IMMP2L: variants seen among roughly 807,000 people sequenced by gnomAD.
The protein encoded by IMMP2L is inner mitochondrial membrane peptidase subunit 2.
Under a neutral mutation model 19.3 loss-of-function variants are expected in IMMP2L, and 18 were observed. The observed-to-expected ratio is 0.93, with a 90% CI of 0.64 to 1.38. The LOEUF is 1.38. Ranked by LOEUF, IMMP2L falls within the 40% of genes most tolerant of loss-of-function variation. The pLI is 0.00. For missense variants in IMMP2L, 233 were observed against 218.2 expected (o/e 1.07, Z -0.43); for synonymous variants, 76 against 73.0 (o/e 1.04, Z -0.21).
intron 3 of IMMP2L, among the ~76,000 whole-genome samples, chr7:111,437,188 G>A (rs1401280507): frequency 1.3e-5 from 2 of 151,792 alleles, no homozygotes; most frequent in Non-Finnish European, 2.9e-5. Context: ...GCTCGTGCCT[G>A]TAATCCCAGC....
intron 3 of IMMP2L, among the ~76,000 whole-genome samples, chr7:111,117,565 T>C (rs943331024): frequency 2.0e-5 from 3 of 152,104 alleles, no homozygotes; most frequent in Non-Finnish European, 2.9e-5. Flanking sequence ...TAATTTGTTT[T>C]GAAAAACTGG....
At chr7:110,910,725 G>A (rs1306049943) in intron 4 of IMMP2L, among the ~76,000 whole-genome samples, 2 of 152,158 alleles carry the variant, frequency 1.3e-5, no homozygotes, top group Non-Finnish European at 2.9e-5. Context: ...GAAGTTGTAA[G>A]TGATTTCGTC....
At chr7:110,846,428 C>T (rs948455724) in intron 5 of IMMP2L, among the ~76,000 whole-genome samples, 9 of 150,142 alleles carry the variant, frequency 6.0e-5, no homozygotes, top group African/African-American at 2.0e-4. Context: ...TGCAGTGGCA[C>T]AGTCTTGGCT....
At chr7:111,367,269 A>G (rs1829859616) in intron 3 of IMMP2L, among the ~76,000 whole-genome samples, 1 of 151,974 alleles carries the variant, frequency 6.6e-6, no homozygotes, top group Non-Finnish European at 1.5e-5. Flanking sequence ...AATTGTTTTA[A>G]TAATTTCTTC....
chr7:111,242,631 G>A (rs1171274503), intron 3 of IMMP2L, among the ~76,000 whole-genome samples: 1 of 151,916 alleles, frequency 6.6e-6, no homozygotes, highest in African/African-American at 2.4e-5. Context: ...GAGCTTGCTG[G>A]GAGCTTTATT....
chr7:110,738,519 G>A (rs4523187), intron 5 of IMMP2L, among the ~76,000 whole-genome samples: 150,705 of 152,324 alleles, frequency 0.99, 74,574 homozygotes, highest in Middle Eastern at 1. Context: ...TGTCAAATAC[G>A]AAGAAAAAAG....
intron 3 of IMMP2L, among the ~76,000 whole-genome samples, chr7:111,063,766 C>G (rs1218360044): frequency 1.3e-5 from 2 of 152,208 alleles, no homozygotes; most frequent in Non-Finnish European, 2.9e-5. Context: ...TAAAACATAA[C>G]AAGAGTCACT....
chr7:111,049,474 T>A (rs1319942563), intron 3 of IMMP2L, among the ~76,000 whole-genome samples: 2 of 152,142 alleles, frequency 1.3e-5, no homozygotes. Context: ...ATATTAAAAC[T>A]TCAGCCTATA....
chr7:110,662,978 A>G lies in IMMP2L; in HGVS notation c.*624T>C, dbSNP rs913348355. 1 of 152,420 alleles carries G rather than the reference A, an allele frequency of 6.6e-6. No homozygotes were observed. The highest frequency in any genetic ancestry group is 1.5e-5 in the Non-Finnish European group (1 of 68,142). 9.4% of individuals were successfully genotyped at this position (152,420 alleles called of 1,614,324 possible). A position where few individuals can be genotyped will look rare whatever the true frequency, so the allele number is the denominator to read the frequency against. Reference sequence around the variant, plus strand: ...GGGTTCTCCATTACTTTGATTCCTTATTTTCAGAAGAGATAAGAAATTCCT... The same window carrying G: ...GGGTTCTCCATTACTTTGATTCCTTGTTTTCAGAAGAGATAAGAAATTCCT... On this transcript the variant is annotated 3_prime_UTR_variant, in exon 6 of 6. Transcript: ENST00000405709.
chr7:111,201,803 T>C (rs1376206211), intron 3 of IMMP2L, among the ~76,000 whole-genome samples: 1 of 151,956 alleles, frequency 6.6e-6, no homozygotes, highest in Non-Finnish European at 1.5e-5. Context: ...ATGAGATTAG[T>C]GCCCTTATAA....
chr7:111,441,545 T>C (rs1384418904), intron 3 of IMMP2L, among the ~76,000 whole-genome samples: 1 of 151,526 alleles, frequency 6.6e-6, no homozygotes, highest in Admixed American at 6.6e-5. Context: ...ACAGTTACAA[T>C]GGTGACATCA....
chr7:111,059,398 A>G (rs1461330482), intron 3 of IMMP2L, among the ~76,000 whole-genome samples: 1 of 152,246 alleles, frequency 6.6e-6, no homozygotes, highest in Non-Finnish European at 1.5e-5. Flanking sequence ...CTCTATCCAC[A>G]TATAGGATAG....
intron 3 of IMMP2L, among the ~76,000 whole-genome samples, chr7:111,173,511 T>A (rs1806683295): frequency 6.6e-6 from 1 of 151,472 alleles, no homozygotes; most frequent in Non-Finnish European, 1.5e-5. Context: ...GTTATGAGAG[T>A]GTATGAATTT....
At chr7:110,905,843 C>T (rs1425889502) in intron 4 of IMMP2L, among the ~76,000 whole-genome samples, 1 of 152,122 alleles carries the variant, frequency 6.6e-6, no homozygotes, top group Non-Finnish European at 1.5e-5. Context: ...ACTTCTTAAT[C>T]ATAACACTGA....
chr7:110,717,040 A>G (rs1455577407), intron 5 of IMMP2L, among the ~76,000 whole-genome samples: 5 of 152,212 alleles, frequency 3.3e-5, no homozygotes, highest in Non-Finnish European at 7.3e-5. Flanking sequence ...GGAATAAGAT[A>G]ATTAGAGGAT....
intron 5 of IMMP2L, among the ~76,000 whole-genome samples, chr7:110,783,383 T>G (rs1166872767): frequency 6.6e-6 from 1 of 151,888 alleles, no homozygotes; most frequent in Non-Finnish European, 1.5e-5. Flanking sequence ...CAGAGCTGGT[T>G]CTTAAGTCAC....
At chr7:111,039,645 G>T (rs982830017) in intron 3 of IMMP2L, among the ~76,000 whole-genome samples, 6 of 152,274 alleles carry the variant, frequency 3.9e-5, no homozygotes, top group African/African-American at 1.4e-4. Flanking sequence ...TAACATGGTA[G>T]TGGTTTTTTT....
chr7:111,353,310 G>C (rs1828373030), intron 3 of IMMP2L, among the ~76,000 whole-genome samples: 2 of 152,166 alleles, frequency 1.3e-5, no homozygotes, highest in African/African-American at 4.8e-5. Flanking sequence ...GCAGAACACA[G>C]GGCTGCCATG....
intron 3 of IMMP2L, among the ~76,000 whole-genome samples, chr7:111,298,299 C>A (rs1486349025): frequency 1.3e-5 from 2 of 152,134 alleles, no homozygotes; most frequent in African/African-American, 2.4e-5. Context: ...GAGTTACATA[C>A]CCTTGGGCAA....
Sources: gnomAD v4.1 joint callset for allele counts (sites outside exome capture counted in the v4.1 genomes callset) on GRCh38, gnomAD v4.1.1 for gene constraint, MANE v1.5 for transcripts, NCBI Gene and HGNC (gene_info 2026-07-23, HGNC 2026-07-21) for gene names.